The following AP2A1 variants were observed in gnomAD, a reference collection of about 807,000 sequenced individuals.
The protein encoded by AP2A1 is AP-2 complex subunit alpha-1.
A neutral mutation model predicts 107.3 loss-of-function variants in AP2A1; 21 were observed. That is an observed-to-expected ratio of 0.20 (90% CI 0.14 to 0.28). The LOEUF is 0.28. Ranked by LOEUF, AP2A1 falls within the 10% of genes least tolerant of loss-of-function variation. The pLI is 1.00. For missense variants in AP2A1, 873 were observed against 1,307.7 expected (o/e 0.67, Z 5.13); for synonymous variants, 602 against 564.8 (o/e 1.07, Z -0.93).
In AP2A1 at chr19:49,767,097, C is replaced by CT; in HGVS notation, c.-36dup. The CT allele has an allele frequency of 3.7e-6, 6 of 1,607,250 alleles. No individual in the cohort carries two copies. Among genetic ancestry groups the CT allele is most frequent in the Non-Finnish European group, 5.1e-6 (6 of 1,178,666 alleles). On this transcript the variant is annotated 5_prime_UTR_variant, in exon 1 of 23. Transcript: ENST00000354293. ...TTGCCAGCCCCCGCTGCTCTGTGCC[C>CT]TGTCCGGCCAGGCCTGGAGCCGACA...
At chr19:49,801,345 A>G in intron 12 of AP2A1, 45 bp from the exon 13 acceptor site, 1 of 1,558,702 alleles carries the variant, frequency 6.4e-7, no homozygotes, top group Non-Finnish European at 8.8e-7. Flanking sequence ...TTTCTGGGAG[A>G]GGGCAGTGGA....
At chr19:49,776,238 A>C (rs981550993) in intron 1 of AP2A1, among the ~76,000 whole-genome samples, 1 of 150,088 alleles carries the variant, frequency 6.7e-6, no homozygotes, top group African/African-American at 2.5e-5. Flanking sequence ...TGCCTCTTTC[A>C]TCACCGTCCG....
At chr19:49,780,565 C>T (rs973579504) in intron 1 of AP2A1, among the ~76,000 whole-genome samples, 3 of 152,108 alleles carry the variant, frequency 2.0e-5, no homozygotes, top group African/African-American at 7.2e-5. Flanking sequence ...AGTGGAGCAC[C>T]CCCAGCTGGC....
intron 4 of AP2A1, among the ~76,000 whole-genome samples, chr19:49,786,687 G>T (rs1367893576): frequency 4.6e-5 from 7 of 152,168 alleles, no homozygotes; most frequent in Non-Finnish European, 1.0e-4. Flanking sequence ...AGGAGGGAGT[G>T]GCCAGTCGCA....
Position 49,791,866 on chromosome 19 carries a change from GA to G in AP2A1, c.474-68del. The G allele has an allele frequency of 2.0e-6, 3 of 1,520,728 alleles. No homozygotes were observed. The South Asian group carries it at 3.6e-5, about 18-fold the overall frequency. The allele number at this position is 1,520,728 out of a possible 1,614,324, so 94.2% of individuals were successfully genotyped here. ...CACACCCTTCCTGGGAGGAACAGGA[GA>G]GGAGGGGAGGTGTGCAGGGCTGGGG... On this transcript the variant is annotated intron_variant, in intron 4 of 22. Coordinates refer to ENST00000354293, the MANE Select transcript of AP2A1 (RefSeq NM_130787.3).
At chr19:49,770,433 G>C (rs2123658138) in intron 1 of AP2A1, among the ~76,000 whole-genome samples, 1 of 152,284 alleles carries the variant, frequency 6.6e-6, no homozygotes, top group South Asian at 2.1e-4. Flanking sequence ...TGGTGAACAG[G>C]ACAGACTTGT....
intron 7 of AP2A1, among the ~76,000 whole-genome samples, chr19:49,798,474 T>C (rs2073238379): frequency 6.6e-6 from 1 of 152,140 alleles, no homozygotes. Context: ...CTTTGCTCTG[T>C]GAGAAACCTA....
chr19:49,776,631 CCT>C (rs35655451), intron 1 of AP2A1, among the ~76,000 whole-genome samples: 32,990 of 151,970 alleles, frequency 0.22, 3,623 homozygotes, highest in Non-Finnish European at 0.23. Flanking sequence ...GCTCATTCCC[CCT>C]GTTGCTGGCC....
rs757042499 is a variant in AP2A1, at chr19:49,803,080, G to C, written c.2172-27G>C. 5 of 1,613,780 alleles carry C rather than the reference G, an allele frequency of 3.1e-6. No individual in the cohort carries two copies. The African/African-American group carries it at 5.3e-5, about 17-fold the overall frequency. ...AGGCCAGGTGCAGACAGGCACCCCC[G>C]TCATCTTGCGCCCCCTGCCCCCTCA... On this transcript the variant is annotated intron_variant, in intron 16 of 22. Coordinates refer to ENST00000354293, the MANE Select transcript of AP2A1 (RefSeq NM_130787.3).
chr19:49,793,898 C>CTTTTTT (rs956804227), intron 6 of AP2A1, among the ~76,000 whole-genome samples: 5 of 74,584 alleles, frequency 6.7e-5, no homozygotes, highest in Admixed American at 1.6e-4. Flanking sequence ...CTCATTGTTT[C>CTTTTTT]TTTTTTTTTT....
intron 4 of AP2A1, among the ~76,000 whole-genome samples, chr19:49,783,035 T>C (rs1056849591): frequency 3.9e-5 from 6 of 152,230 alleles, no homozygotes; most frequent in Admixed American, 1.3e-4. Flanking sequence ...AACTTCCTCA[T>C]CTTCTCCATT....
intron 1 of AP2A1, among the ~76,000 whole-genome samples, chr19:49,779,939 C>G (rs1030514497): frequency 7.9e-5 from 12 of 152,174 alleles, no homozygotes; most frequent in Non-Finnish European, 1.5e-5. Context: ...GAGGTGATAC[C>G]TGAAGTGAGG....
chr19:49,804,641 A>G (rs2123763885), intron 18 of AP2A1: 1 of 152,280 alleles, frequency 6.6e-6, no homozygotes, highest in Admixed American at 6.5e-5. Context: ...AGGCCTTCCC[A>G]GTGGGCTACT....
In AP2A1 at chr19:49,802,664, T is replaced by C; in HGVS notation, c.2115-285T>C. On this transcript the variant is annotated intron_variant, in intron 15 of 22. Coordinates refer to ENST00000354293, the MANE Select transcript of AP2A1 (RefSeq NM_130787.3). ...GGACTCGGGTGTCCCCAGGGAGAGT[T>C]AGGGGACTGGGAGCCCTCGTCAACG... The C allele has an allele frequency of 1.3e-5, 19 of 1,420,532 alleles. No homozygotes were observed. The South Asian group carries it at 1.4e-4, about 10-fold the overall frequency. 88.0% of individuals were successfully genotyped at this position (1,420,532 alleles called of 1,614,324 possible).
intron 1 of AP2A1, among the ~76,000 whole-genome samples, chr19:49,771,303 T>TAAAAAA (rs902347385): frequency 6.7e-4 from 66 of 98,000 alleles, no homozygotes; most frequent in Non-Finnish European, 7.5e-4. Context: ...CCTCATCTCT[T>TAAAAAA]AAAAAAAAAA....
chr19:49,796,151 T>G (rs2072451), intron 7 of AP2A1: 96,813 of 194,658 alleles, frequency 0.5, 24,580 homozygotes, highest in South Asian at 0.62. Flanking sequence ...TTCACATCTG[T>G]TGGGAACCTT....
chr19:49,802,380 C>G, intron 15 of AP2A1: 1 of 918,926 alleles, frequency 1.1e-6, no homozygotes, highest in South Asian at 1.4e-5. Flanking sequence ...CCTTTCCTGT[C>G]ACCGTTTCTC....
At chr19:49,806,079 C>G (rs2073375172) in intron 21 of AP2A1, 40 bp from the exon 22 acceptor site, 1 of 1,590,576 alleles carries the variant, frequency 6.3e-7, no homozygotes, top group Admixed American at 1.8e-5. Context: ...TGGTAACTAA[C>G]AGCTCTGGCA....
intron 22 of AP2A1, 33 bp from the exon 23 acceptor site, chr19:49,806,648 C>A (rs768441806): frequency 3.1e-6 from 5 of 1,611,828 alleles, no homozygotes; most frequent in Non-Finnish European, 4.2e-6. Context: ...CTCCCCATCT[C>A]CTCTGAGTTC....
Sources: gnomAD v4.1 joint callset for allele counts (sites outside exome capture counted in the v4.1 genomes callset) on GRCh38, gnomAD v4.1.1 for gene constraint, MANE v1.5 for transcripts, NCBI Gene and HGNC (gene_info 2026-07-23, HGNC 2026-07-21) for gene names.